SARS1: variants seen among roughly 807,000 people sequenced by gnomAD.
The protein encoded by SARS1 is seryl-tRNA synthetase 1.
A neutral mutation model predicts 63.7 loss-of-function variants in SARS1; 25 were observed. The ratio of observed to expected loss-of-function variants is 0.39; its 90% CI spans 0.29 to 0.55. SARS1 has a LOEUF of 0.55. Among genes scored for constraint, SARS1 ranks in the 20% least tolerant of loss-of-function variants. The pLI is 0.62. For missense variants in SARS1, 417 were observed against 649.7 expected (o/e 0.64, Z 3.89); for synonymous variants, 231 against 243.5 (o/e 0.95, Z 0.48).
intron 4 of SARS1, 133 bp downstream of exon 4, chr1:109,229,705 C>G (rs1655168107): frequency 1.1e-6 from 1 of 877,236 alleles, no homozygotes; most frequent in African/African-American, 1.7e-5. Flanking sequence ...CCTCTGCCCA[C>G]CAATTGAGAA....
chr1:109,228,510 C>T (rs896044375), intron 3 of SARS1, 78 bp downstream of exon 3: 15 of 936,282 alleles, frequency 1.6e-5, no homozygotes, highest in Admixed American at 3.7e-5. Context: ...AGTGCTCTCA[C>T]TCTGCTCCAC....
chr1:109,232,861 T>C (rs887405082), intron 6 of SARS1, among the ~76,000 whole-genome samples: 2 of 152,244 alleles, frequency 1.3e-5, no homozygotes, highest in Admixed American at 6.5e-5. Context: ...TGGAGTATTA[T>C]GGAAACTGTT....
In SARS1 at chr1:109,213,980, G is replaced by A. The variant is rs780728545; in HGVS notation, c.-13G>A. 3.7e-6 allele frequency: 6 copies of A among 1,605,518 alleles called. No individual in the cohort carries two copies. The highest frequency in any genetic ancestry group is 5.1e-6 in the Non-Finnish European group (6 of 1,175,434). On this transcript the variant is annotated 5_prime_UTR_variant, in exon 1 of 11. Transcript: ENST00000234677. The stretch of plus-strand genomic sequence containing the variant: ...TCCTTGCTTCCCTGAGCGTTGGCCC[G>A]GGAGGAAAGAAGATGGTGCTGGATC...
At position 109,237,644 on chromosome 1, in the gene SARS1, C is replaced by A; in HGVS notation, c.1388-87C>A. 1 of 1,445,078 alleles carries A rather than the reference C, an allele frequency of 6.9e-7. No individual in the cohort carries two copies. The highest frequency in any genetic ancestry group is 9.5e-7 in the Non-Finnish European group (1 of 1,048,186). 89.5% of individuals were successfully genotyped at this position (1,445,078 alleles called of 1,614,324 possible). A position where few individuals can be genotyped will look rare whatever the true frequency, so the allele number is the denominator to read the frequency against. The stretch of plus-strand genomic sequence containing the variant: ...AAGGGACCCCTCTGTTCAAAGGGAT[C>A]ATTGTCTTGTTGAATTCTCCCCAGA... On this transcript the variant is annotated intron_variant, in intron 10 of 10. Coordinates refer to ENST00000234677, the MANE Select transcript of SARS1 (RefSeq NM_006513.4). This position sits in a 1 kb window ranked among gnomAD's most constrained non-coding sequence, Gnocchi z 4.1.
At chr1:109,230,823 T>C in intron 4 of SARS1, 55 bp from the exon 5 acceptor site, 2 of 1,496,572 alleles carry the variant, frequency 1.3e-6, no homozygotes, top group Non-Finnish European at 1.8e-6. Flanking sequence ...AAAAATAATT[T>C]AAAAATAATA....
chr1:109,229,423 G>A lies in SARS1; in HGVS notation c.298G>A (p.Val100Ile). Residue 100 changes from valine (V) to isoleucine (I), a missense_variant, in exon 4 of 11, where the codon GTC becomes ATC. Val to Ile is a conservative substitution (Grantham distance 29). This residue lies in a region of SARS1 where 359 missense variants were observed against 529.6 expected (regional missense o/e 0.68). Coordinates refer to ENST00000234677, the MANE Select transcript of SARS1 (RefSeq NM_006513.4). The part of the protein sequence containing the change: ...LTADALANLK[V>I]SQIKKVRLLI... Reference sequence around the variant, plus strand: ...GCCTGTTCATCTGCAGAACCTGAAAGTCTCACAAATCAAAAAAGTCCGACT... The same window carrying A: ...GCCTGTTCATCTGCAGAACCTGAAAATCTCACAAATCAAAAAAGTCCGACT... 1 of 1,614,068 alleles carries A rather than the reference G, an allele frequency of 6.2e-7. No homozygotes were observed.
chr1:109,235,174 C>CT lies in SARS1; in HGVS notation c.748-34dup. 1 of 1,541,962 alleles carries CT rather than the reference C, an allele frequency of 6.5e-7. No individual in the cohort carries two copies. Among genetic ancestry groups the CT allele is most frequent in the Non-Finnish European group, 9.0e-7 (1 of 1,114,520 alleles). On this transcript the variant is annotated intron_variant, in intron 6 of 10. Coordinates refer to ENST00000234677, the MANE Select transcript of SARS1 (RefSeq NM_006513.4). The surrounding 1 kb of genome is among the most constrained non-coding windows in gnomAD (Gnocchi z 4.7). ...CTTATTCTAGCCAAGGTCCTCCCCA[C>CT]TTCCTCTTAACTGGTATAGCTCCTT...
chr1:109,237,141 C>A lies in SARS1; in HGVS notation c.1258-103C>A. 1 of 1,493,010 alleles carries A rather than the reference C, an allele frequency of 6.7e-7. No individual in the cohort carries two copies. The highest frequency in any genetic ancestry group is 9.0e-7 in the Non-Finnish European group (1 of 1,111,726). The allele number at this position is 1,493,010 out of a possible 1,614,324, so 92.5% of individuals were successfully genotyped here. A position where few individuals can be genotyped will look rare whatever the true frequency, so the allele number is the denominator to read the frequency against. ...GTAGAACCCATCATTTTGATTTGGACAGTTGTGGTTGGGGAAGTCTGGTTG... is the reference window on the plus strand; with the variant it reads ...GTAGAACCCATCATTTTGATTTGGAAAGTTGTGGTTGGGGAAGTCTGGTTG... On this transcript the variant is annotated intron_variant, in intron 9 of 10. Transcript: ENST00000234677. This position sits in a 1 kb window ranked among gnomAD's most constrained non-coding sequence, Gnocchi z 4.1.
intron 9 of SARS1, 75 bp downstream of exon 9, chr1:109,236,623 G>A: frequency 1.9e-6 from 3 of 1,549,342 alleles, no homozygotes; most frequent in Non-Finnish European, 2.6e-6. Context: ...CAGCCTTTGG[G>A]GTGCACTGGT....
At chr1:109,229,689 A>G (rs1388844034) in intron 4 of SARS1, 117 bp downstream of exon 4, 4 of 1,031,674 alleles carry the variant, frequency 3.9e-6, no homozygotes, top group Admixed American at 2.3e-5. Flanking sequence ...GGTTCTTTGT[A>G]TATTCCCTCT....
chr1:109,225,584 C>T (rs1481435397), intron 2 of SARS1, among the ~76,000 whole-genome samples: 3 of 152,176 alleles, frequency 2.0e-5, no homozygotes, highest in African/African-American at 7.2e-5. Flanking sequence ...AGTGTTCACT[C>T]CCACTGCCAT....
chr1:109,223,576 C>G (rs943144122), intron 1 of SARS1, among the ~76,000 whole-genome samples: 13 of 152,166 alleles, frequency 8.5e-5, no homozygotes, highest in African/African-American at 3.1e-4. Context: ...AATCCCAGCA[C>G]TTTGGGAGGG....
At chr1:109,222,979 C>T (rs534733566) in intron 1 of SARS1, among the ~76,000 whole-genome samples, 35 of 152,334 alleles carry the variant, frequency 2.3e-4, no homozygotes, top group African/African-American at 3.6e-4. Flanking sequence ...CGTGCCACTG[C>T]ACTCCAGCCT....
intron 2 of SARS1, among the ~76,000 whole-genome samples, chr1:109,225,086 G>T (rs1446354742): frequency 6.6e-6 from 1 of 152,106 alleles, no homozygotes; most frequent in African/African-American, 2.4e-5. Flanking sequence ...TCCAGCCTGG[G>T]TTTCCAGTGA....
At chr1:109,221,868 G>A (rs1197761546) in intron 1 of SARS1, among the ~76,000 whole-genome samples, 1 of 149,574 alleles carries the variant, frequency 6.7e-6, no homozygotes, top group Non-Finnish European at 1.5e-5. Flanking sequence ...CACCTAGCCT[G>A]GAGTGCAGTG....
chr1:109,227,195 A>G (rs1325285903), intron 2 of SARS1, among the ~76,000 whole-genome samples: 1 of 151,650 alleles, frequency 6.6e-6, no homozygotes, highest in African/African-American at 2.4e-5. Context: ...GGGTTTCACC[A>G]TCTTGGTCAG....
Position 109,237,209 on chromosome 1 carries a change from A to G in SARS1, c.1258-35A>G, listed in dbSNP as rs1466562931. 1 of 1,597,492 alleles carries G rather than the reference A, an allele frequency of 6.3e-7. No homozygotes were observed. Among genetic ancestry groups the G allele is most frequent in the Admixed American group, 1.8e-5 (1 of 55,706 alleles). ...CGTCAGTAAGACCCGATGAGAGTTG[A>G]GCCCGACTTCCCCTCTGGGACCCTG... On this transcript the variant is annotated intron_variant, in intron 9 of 10. Transcript: ENST00000234677. This position sits in a 1 kb window ranked among gnomAD's most constrained non-coding sequence, Gnocchi z 4.1.
At position 109,236,903 on chromosome 1, in the gene SARS1, A is replaced by G. The variant is rs1440087238; in HGVS notation, c.1258-341A>G. The G allele has an allele frequency of 3.2e-6, 5 of 1,570,302 alleles. No homozygotes were observed. The East Asian group carries it at 6.9e-5, about 22-fold the overall frequency. On this transcript the variant is annotated intron_variant, in intron 9 of 10. Transcript: ENST00000234677. ...TTGTAAGCTGCTCTCTTCAAACCCA[A>G]TTTTCAGGCCCTACTCTTTTCCAAG...
chr1:109,225,909 A>G lies in SARS1; in HGVS notation c.207+1861A>G, dbSNP rs1461487937. Among the ~76,000 whole-genome samples the G allele has an allele frequency of 2.0e-5, 3 of 152,212 alleles. No individual in the cohort carries two copies. The East Asian group carries it at 5.8e-4, about 29-fold the overall frequency. On this transcript the variant is annotated intron_variant, in intron 2 of 10. Transcript: ENST00000234677. ...ACCCTGCCTATGATGCCATTGCAAAAATCTTGAGATTTAGTCCATTTTTTC... is the reference window on the plus strand; with the variant it reads ...ACCCTGCCTATGATGCCATTGCAAAGATCTTGAGATTTAGTCCATTTTTTC...
Sources: gnomAD v4.1 joint callset for allele counts (sites outside exome capture counted in the v4.1 genomes callset) on GRCh38, gnomAD v4.1.1 for gene constraint, gnomAD v4.1.1 regional missense constraint, Gnocchi (gnomAD v3.1) non-coding constraint, MANE v1.5 for transcripts, NCBI Gene and HGNC (gene_info 2026-07-23, HGNC 2026-07-21) for gene names.